CEP83: variants seen among roughly 807,000 people sequenced by gnomAD.
CEP83 encodes centrosomal protein of 83 kDa.
Under a neutral mutation model 101.9 loss-of-function variants are expected in CEP83, and 70 were observed. That is an observed-to-expected ratio of 0.69 (90% confidence interval 0.57 to 0.84). CEP83 has a LOEUF of 0.84. Among genes scored for constraint, CEP83 ranks in the 40% least tolerant of loss-of-function variants. CEP83 has a pLI of 0.00. For missense variants in CEP83, 715 were observed against 787.2 expected (o/e 0.91, Z 1.10); for synonymous variants, 264 against 267.9 (o/e 0.99, Z 0.14).
the CEP83 span, among the ~76,000 whole-genome samples, chr12:94,284,114 G>T: frequency 6.7e-6 from 1 of 149,548 alleles, no homozygotes; most frequent in Non-Finnish European, 1.5e-5. Context: ...AAAAAGCAGG[G>T]TTTGCAAAAT....
chr12:94,345,411 C>G (rs975907253), intron 11 of CEP83, among the ~76,000 whole-genome samples: 1 of 152,088 alleles, frequency 6.6e-6, no homozygotes, highest in Non-Finnish European at 1.5e-5. Context: ...GTATTAGGCC[C>G]TTTGTTTATG....
chr12:94,329,811 A>G (rs2059128543), intron 14 of CEP83, among the ~76,000 whole-genome samples: 1 of 152,260 alleles, frequency 6.6e-6, no homozygotes, highest in Non-Finnish European at 1.5e-5. Context: ...GAAAAGTGAC[A>G]TATACAGAAA....
At chr12:94,350,439 A>G (rs1027901103) in intron 11 of CEP83, among the ~76,000 whole-genome samples, 3 of 152,198 alleles carry the variant, frequency 2.0e-5, no homozygotes, top group African/African-American at 7.2e-5. Flanking sequence ...ACATACATAT[A>G]AAAGAATGAA....
the CEP83 span, among the ~76,000 whole-genome samples, chr12:94,298,356 A>G: frequency 3.3e-5 from 5 of 152,220 alleles, no homozygotes; most frequent in African/African-American, 1.2e-4. Context: ...TGACATTTCA[A>G]CTGCTAGAGA....
chr12:94,434,307 AT>A (rs759067188), intron 2 of CEP83, among the ~76,000 whole-genome samples: 4 of 152,254 alleles, frequency 2.6e-5, no homozygotes, highest in South Asian at 2.1e-4. Context: ...AAACAAAAAA[AT>A]GTTTATACAC....
At chr12:94,386,532 T>C (rs977449940) in intron 6 of CEP83, among the ~76,000 whole-genome samples, 23 of 152,196 alleles carry the variant, frequency 1.5e-4, no homozygotes, top group African/African-American at 5.3e-4. Flanking sequence ...TTAGGTTTTT[T>C]ATCTCTGCAC....
rs1196200144 is a variant in CEP83, at chr12:94,367,708, G to A, written c.1343+86C>T. ...GGAGATCAGGGTGAAGAGCACATGGGAATTCTTTGTACTAGTTGTACATCA... is the reference window on the plus strand; with the variant it reads ...GGAGATCAGGGTGAAGAGCACATGGAAATTCTTTGTACTAGTTGTACATCA... On this transcript the variant is annotated intron_variant, in intron 11 of 16. Transcript: ENST00000397809. 4 of 867,908 alleles carry A rather than the reference G, an allele frequency of 4.6e-6. No homozygotes were observed. The Admixed American group carries it at 8.1e-5, about 18-fold the overall frequency. The allele number at this position is 867,908 out of a possible 1,614,324, so 53.8% of individuals were successfully genotyped here. A position where few individuals can be genotyped will look rare whatever the true frequency, so the allele number is the denominator to read the frequency against.
At chr12:94,313,818 A>T (rs1393810264) in intron 14 of CEP83, among the ~76,000 whole-genome samples, 2 of 152,304 alleles carry the variant, frequency 1.3e-5, no homozygotes, top group Admixed American at 6.5e-5. Flanking sequence ...GCCTGGCAAA[A>T]AAGCAAGACT....
In CEP83 at chr12:94,331,838, A is replaced by G. The variant is rs1239657600; in HGVS notation, c.1578-9T>C. On this transcript the variant is annotated splice_polypyrimidine_tract_variant and intron_variant, in intron 13 of 16. Transcript: ENST00000397809. ...GTTTCTCTTCCAATGTCCTGTCAGA[A>G]GAATGTATGTAAAACATGGAAGTTA... is the stretch of plus-strand genomic sequence containing the variant. 1.2e-6 allele frequency: 2 copies of G among 1,610,776 alleles called. No homozygotes were observed. Among genetic ancestry groups the G allele is most frequent in the African/African-American group, 2.7e-5 (2 of 74,868 alleles).
chr12:94,336,842 TA>T (rs1375942014), intron 11 of CEP83, among the ~76,000 whole-genome samples: 1 of 151,926 alleles, frequency 6.6e-6, no homozygotes, highest in Non-Finnish European at 1.5e-5. Flanking sequence ...TTTTTTTTTT[TA>T]AATAAGAGAT....
At chr12:94,449,615 A>G (rs935092264) in intron 1 of CEP83, among the ~76,000 whole-genome samples, 2 of 150,916 alleles carry the variant, frequency 1.3e-5, no homozygotes, top group African/African-American at 4.9e-5. Context: ...AAAAAAAAAA[A>G]AAAGAAAAAT....
intron 6 of CEP83, among the ~76,000 whole-genome samples, chr12:94,392,200 C>T (rs1036456216): frequency 6.6e-6 from 1 of 152,164 alleles, no homozygotes; most frequent in Non-Finnish European, 1.5e-5. Flanking sequence ...CTTCTCAGCA[C>T]CACATTGCAC....
chr12:94,290,052 G>GT, the CEP83 span, among the ~76,000 whole-genome samples: 2 of 152,206 alleles, frequency 1.3e-5, no homozygotes, highest in Admixed American at 1.3e-4. Flanking sequence ...CCCATCCGAG[G>GT]TATTTGTGAT....
At chr12:94,331,875 A>C in intron 13 of CEP83, 46 bp from the exon 14 acceptor site, 9 of 1,548,778 alleles carry the variant, frequency 5.8e-6, no homozygotes, top group Non-Finnish European at 7.1e-6. Flanking sequence ...ATAAGTTCTT[A>C]GGATTAAATA....
At chr12:94,409,062 T>A (rs917506395) in intron 4 of CEP83, among the ~76,000 whole-genome samples, 9 of 151,926 alleles carry the variant, frequency 5.9e-5, no homozygotes, top group African/African-American at 2.2e-4. Flanking sequence ...GTAGGCAGAC[T>A]AGATAATGCA....
In CEP83 at chr12:94,400,913, A is replaced by G. The variant is rs1270196672; in HGVS notation, c.486T>C (p.Phe162=). The G allele has an allele frequency of 2.0e-6, 3 of 1,517,842 alleles. No individual in the cohort carries two copies. The highest frequency in any genetic ancestry group is 2.7e-6 in the Non-Finnish European group (3 of 1,130,098). The allele number at this position is 1,517,842 out of a possible 1,614,324, so 94.0% of individuals were successfully genotyped here. The change falls in exon 6 of 17, where the codon TTT becomes TTC. Residue 162 remains phenylalanine, a synonymous_variant. Coordinates refer to ENST00000397809, the MANE Select transcript of CEP83 (RefSeq NM_016122.3). ...RYEHTFLKSE[F]EHQKEEYARI... ...GTGCATACTCTTCCTTCTGGTGTTC[A>G]AATTCTGACTTGAGAAATGTATGTT...
At chr12:94,313,118 G>A in intron 14 of CEP83, 101 bp from the exon 15 acceptor site, 1 of 543,886 alleles carries the variant, frequency 1.8e-6, no homozygotes, top group Non-Finnish European at 3.1e-6. Flanking sequence ...GTTTAGATAT[G>A]AATGTTTTCA....
At chr12:94,413,855 CACACACACACATACAT>C (rs924935543) in intron 2 of CEP83, among the ~76,000 whole-genome samples, 2 of 151,562 alleles carry the variant, frequency 1.3e-5, no homozygotes, top group African/African-American at 4.9e-5. Flanking sequence ...CACACACACA[CACACACACACATACAT>C]ACATATTTTT....
chr12:94,377,750 C>T (rs1239006205), intron 7 of CEP83, among the ~76,000 whole-genome samples: 1 of 152,178 alleles, frequency 6.6e-6, no homozygotes, highest in Non-Finnish European at 1.5e-5. Context: ...AGTTTCACAT[C>T]AGGACTGTAT....
Sources: allele counts gnomAD v4.1 joint callset (sites outside exome capture counted in the v4.1 genomes callset), GRCh38; gene constraint gnomAD v4.1.1; transcripts MANE v1.5; gene names NCBI Gene and HGNC (gene_info 2026-07-23, HGNC 2026-07-21).